The following FRMPD4 variants were observed in gnomAD, a reference collection of about 807,000 sequenced individuals.
FRMPD4 encodes FERM and PDZ domain containing 4, also known as FERM and PDZ domain-containing protein 4.
Under a neutral mutation model 94.1 loss-of-function variants are expected in FRMPD4, and 22 were observed. The observed-to-expected ratio is 0.23, with a 90% CI of 0.17 to 0.33. The LOEUF is 0.33. Among genes scored for constraint, FRMPD4 ranks in the 10% least tolerant of loss-of-function variants. The pLI, the probability that FRMPD4 is intolerant of heterozygous loss-of-function variation, is 1.00. For synonymous variants in FRMPD4, 631 were observed against 548.6 expected (o/e 1.15, Z -2.10); for missense variants, 1,111 against 1,339.9 (o/e 0.83, Z 2.67).
intron 1 of FRMPD4, among the ~76,000 whole-genome samples, chrX:12,305,734 T>TG (rs1447730588): frequency 1.1e-5 from 1 of 94,758 alleles, no homozygotes; most frequent in African/African-American, 4.0e-5. Context: ...AGTTTTTTTT[T>TG]TTTTTTTTTT....
intron 14 of FRMPD4, 66 bp from the exon 15 acceptor site, chrX:12,716,003 C>CGGGGGGGG: frequency 5.7e-6 from 1 of 176,093 alleles, no homozygotes; most frequent in East Asian, 1.4e-4. Context: ...GACGAGCCTC[C>CGGGGGGGG]CACCCCCGCC....
intron 3 of FRMPD4, among the ~76,000 whole-genome samples, chrX:11,910,473 G>T (rs767322666): frequency 1.8e-5 from 2 of 111,552 alleles, no homozygotes; most frequent in African/African-American, 6.5e-5. Context: ...AGGCTGGAGT[G>T]CAGTGGTGTG....
chrX:12,594,671 G>A (rs773068121), intron 2 of FRMPD4, among the ~76,000 whole-genome samples: 6 of 110,806 alleles, frequency 5.4e-5, no homozygotes, highest in Non-Finnish European at 9.4e-5. Flanking sequence ...TCCTGACCTC[G>A]TGATCTGCCC....
rs1019136434 is a variant in FRMPD4, at chrX:12,124,387, A to T, written c.95+246369A>T. Among the ~76,000 whole-genome samples the T allele has an allele frequency of 4.5e-5, 5 of 112,291 alleles. No homozygotes were observed. The South Asian group carries it at 1.9e-3, about 42-fold the overall frequency. On this transcript the variant is annotated intron_variant, in intron 3 of 18. Coordinates refer to the FRMPD4 transcript ENST00000640291. Reference sequence around the variant, plus strand: ...CCCATTGGGGTTTCTTTATTCCCTAACATGTGGCAGACCAAATATCAAGGG... The same window carrying T: ...CCCATTGGGGTTTCTTTATTCCCTATCATGTGGCAGACCAAATATCAAGGG...
At chrX:12,001,626 T>A (rs759231209) in intron 3 of FRMPD4, among the ~76,000 whole-genome samples, 26 of 111,426 alleles carry the variant, frequency 2.3e-4, no homozygotes, top group Non-Finnish European at 4.7e-4. Flanking sequence ...AATCAAACAA[T>A]TAAAGAGGAG....
chrX:12,106,926 C>T (rs986704263), intron 3 of FRMPD4, among the ~76,000 whole-genome samples: 8 of 111,933 alleles, frequency 7.1e-5, no homozygotes, highest in East Asian at 2.8e-4. Flanking sequence ...TGGACCCCAC[C>T]GCAGCTCAAG....
chrX:12,710,745 A>C (rs980768122), intron 14 of FRMPD4, among the ~76,000 whole-genome samples: 5 of 110,534 alleles, frequency 4.5e-5, no homozygotes, highest in African/African-American at 1.7e-4. Flanking sequence ...ATCTCTACTA[A>C]AAATACAAAA....
chrX:12,629,994 A>T (rs894385967), intron 4 of FRMPD4, among the ~76,000 whole-genome samples: 1 of 112,874 alleles, frequency 8.9e-6, no homozygotes, highest in South Asian at 3.7e-4. Context: ...GTTTGTAAAC[A>T]TACCTAGACT....
chrX:12,471,522 G>A (rs964891854), intron 1 of FRMPD4, among the ~76,000 whole-genome samples: 2 of 111,649 alleles, frequency 1.8e-5, no homozygotes, highest in African/African-American at 6.5e-5. Context: ...CACAAGGAGG[G>A]TAGTGTGAGC....
chrX:12,618,720 A>G (rs1301640954), intron 4 of FRMPD4, among the ~76,000 whole-genome samples: 1 of 111,629 alleles, frequency 9.0e-6, no homozygotes, highest in African/African-American at 3.3e-5. Flanking sequence ...AGGCAGCAAC[A>G]TAAATCTACT....
intron 3 of FRMPD4, among the ~76,000 whole-genome samples, chrX:12,077,275 T>C (rs889857483): frequency 8.9e-6 from 1 of 112,149 alleles, no homozygotes; most frequent in Non-Finnish European, 1.9e-5. Flanking sequence ...GAATTGGGAC[T>C]GTTCTGCTTG....
At chrX:11,932,127 GTCCAC>G (rs1420414457) in intron 3 of FRMPD4, among the ~76,000 whole-genome samples, 2 of 111,823 alleles carry the variant, frequency 1.8e-5, no homozygotes, top group Non-Finnish European at 3.8e-5. Flanking sequence ...CTCATTGTTT[GTCCAC>G]TCCCTTGCCG....
chrX:12,410,697 C>T (rs1023850105), intron 1 of FRMPD4, among the ~76,000 whole-genome samples: 7 of 111,615 alleles, frequency 6.3e-5, no homozygotes, highest in South Asian at 3.8e-4. Context: ...CTTCCTAAGG[C>T]TATTTAGCTT....
intron 1 of FRMPD4, among the ~76,000 whole-genome samples, chrX:12,394,064 T>C (rs1477009203): frequency 8.9e-6 from 1 of 111,938 alleles, no homozygotes. Context: ...TAATAAGTTA[T>C]ATAAGTTATG....
chrX:12,666,861 C>T (rs2059785475), intron 4 of FRMPD4, among the ~76,000 whole-genome samples: 1 of 112,064 alleles, frequency 8.9e-6, no homozygotes, highest in South Asian at 3.7e-4. Context: ...CCTAACATCA[C>T]AATTAAAAGA....
At chrX:11,822,745 T>G (rs763691438) in intron 1 of FRMPD4, among the ~76,000 whole-genome samples, 1 of 112,050 alleles carries the variant, frequency 8.9e-6, no homozygotes, top group East Asian at 2.8e-4. Context: ...CCATCTCTAT[T>G]GCCTGGAAAT....
chrX:12,242,396 CTTTAT>C (rs2053889854), intron 1 of FRMPD4, among the ~76,000 whole-genome samples: 1 of 111,782 alleles, frequency 8.9e-6, no homozygotes, highest in South Asian at 3.7e-4. Flanking sequence ...GTCTCTATTA[CTTTAT>C]TTTAAACAGG....
At chrX:11,958,429 T>C (rs981784289) in intron 3 of FRMPD4, among the ~76,000 whole-genome samples, 1 of 111,942 alleles carries the variant, frequency 8.9e-6, no homozygotes, top group Non-Finnish European at 1.9e-5. Flanking sequence ...AGAAAAAAGT[T>C]GAGGAAAGCA....
At chrX:12,159,208 C>T (rs2055984267) in intron 1 of FRMPD4, among the ~76,000 whole-genome samples, 1 of 112,424 alleles carries the variant, frequency 8.9e-6, no homozygotes, top group African/African-American at 3.2e-5. Context: ...CTTCAGCATG[C>T]AGCTTCAAAG....
Sources: gnomAD v4.1 joint callset for allele counts (sites outside exome capture counted in the v4.1 genomes callset) on GRCh38, gnomAD v4.1.1 for gene constraint, MANE v1.5 for transcripts, NCBI Gene and HGNC (gene_info 2026-07-23, HGNC 2026-07-21) for gene names.